IDO2: variants seen among roughly 807,000 people sequenced by gnomAD.
IDO2 encodes the protein indoleamine 2,3-dioxygenase 2, also known as indoleamine 2,3-dioxygenase-like 1 protein.
Under a neutral mutation model 45.1 loss-of-function variants are expected in IDO2, and 46 were observed. That is an observed-to-expected ratio of 1.02 (90% CI 0.80 to 1.30). IDO2 has a LOEUF of 1.30. Among genes scored for constraint, IDO2 ranks in the 50% most tolerant of loss-of-function variants. The pLI is 0.00. For missense variants in IDO2, 544 were observed against 491.8 expected, an observed-to-expected ratio of 1.11 and a Z score of -1.00; for synonymous variants, 218 against 184.9, an observed-to-expected ratio of 1.18 and a Z score of -1.45.
At chr8:39,940,223 G>A (rs949662611) in intron 1 of IDO2, among the ~76,000 whole-genome samples, 26 of 152,162 alleles carry the variant, frequency 1.7e-4, no homozygotes, top group Non-Finnish European at 3.7e-4. Context: ...CAGCGTGACC[G>A]AAAGCAGTAC....
At chr8:39,936,206 A>G (rs1248584159) in intron 1 of IDO2, among the ~76,000 whole-genome samples, 1 of 152,174 alleles carries the variant, frequency 6.6e-6, no homozygotes, top group Non-Finnish European at 1.5e-5. Context: ...AAGGTCATCT[A>G]TTTTACAAGG....
intron 4 of IDO2, among the ~76,000 whole-genome samples, chr8:39,981,307 G>T (rs1051796241): frequency 2.0e-5 from 3 of 151,876 alleles, no homozygotes; most frequent in Admixed American, 6.6e-5. Context: ...TGATCTGCCC[G>T]CCTTCGCCTC....
intron 2 of IDO2, among the ~76,000 whole-genome samples, chr8:39,950,422 T>C (rs183032180): frequency 4.2e-3 from 633 of 152,152 alleles, no homozygotes; most frequent in African/African-American, 6.1e-3. Flanking sequence ...GTTCCAGCTA[T>C]TGGGGAGGCT....
chr8:39,942,068 G>A (rs948281376), intron 1 of IDO2, among the ~76,000 whole-genome samples: 1 of 152,182 alleles, frequency 6.6e-6, no homozygotes, highest in African/African-American at 2.4e-5. Flanking sequence ...ACTCCAGCCT[G>A]GCTGAGAGAA....
chr8:39,988,874 GA>G lies in IDO2; in HGVS notation c.550-846del, dbSNP rs373152351. ...TGTGTTTAGTCCATTAGAAGATACA[GA>G]GTCAAATATCGGCCTTCCAAGTGTA... On this transcript the variant is annotated intron_variant, in intron 7 of 10. Coordinates refer to ENST00000502986, the Ensembl canonical transcript of IDO2. 6.1e-3 allele frequency among the ~76,000 whole-genome samples: 932 copies of G among 152,286 alleles called. 9 individuals are homozygous for G. The highest frequency in any genetic ancestry group is 0.02 in the African/African-American group (842 of 41,558).
intron 2 of IDO2, among the ~76,000 whole-genome samples, chr8:39,950,019 T>G (rs1807789772): frequency 1.3e-5 from 2 of 151,922 alleles, no homozygotes; most frequent in South Asian, 4.2e-4. Context: ...GTCCAAGGCC[T>G]AGAACATTAA....
intron 2 of IDO2, among the ~76,000 whole-genome samples, chr8:39,962,708 C>A (rs1646112122): frequency 6.6e-6 from 1 of 152,164 alleles, no homozygotes; most frequent in South Asian, 2.1e-4. Flanking sequence ...CTTTCACACA[C>A]AAACTGAAAA....
chr8:40,015,193 C>A, intron 10 of IDO2, 54 bp from the exon 11 acceptor site: 1 of 1,023,376 alleles, frequency 9.8e-7, no homozygotes, highest in Non-Finnish European at 1.5e-6. Flanking sequence ...AGCAGACGAG[C>A]TCTGCTATAT....
intron 3 of IDO2, among the ~76,000 whole-genome samples, chr8:39,970,907 C>T (rs1435074649): frequency 6.6e-6 from 1 of 151,722 alleles, no homozygotes; most frequent in Non-Finnish European, 1.5e-5. Flanking sequence ...GCTGGGACTA[C>T]AGGCACGTGC....
intron 8 of IDO2, among the ~76,000 whole-genome samples, chr8:39,998,689 G>A (rs977715982): frequency 9.2e-5 from 13 of 141,136 alleles, no homozygotes; most frequent in African/African-American, 3.4e-4. Context: ...CACCCAGGCT[G>A]GAGTGCAATG....
At chr8:39,973,255 G>A (rs1425398136) in intron 3 of IDO2, among the ~76,000 whole-genome samples, 1 of 152,052 alleles carries the variant, frequency 6.6e-6, no homozygotes, top group Non-Finnish European at 1.5e-5. Flanking sequence ...ATATAAGAAT[G>A]TATAATACTA....
At position 39,963,978 on chromosome 8, in the gene IDO2, T is replaced by C. The variant is rs188201255; in HGVS notation, c.195+275T>C. ...GTTTAAAGAAGAATCTGGGTGGGAA[T>C]GATAAACTAACTAATGGACAAGGTA... is the stretch of plus-strand genomic sequence containing the variant. On this transcript the variant is annotated intron_variant, in intron 3 of 10. Coordinates refer to ENST00000502986, the Ensembl canonical transcript of IDO2. Among the ~76,000 whole-genome samples, 6 of 152,332 alleles carry C rather than the reference T, an allele frequency of 3.9e-5. No homozygotes were observed. The East Asian group carries it at 1.2e-3, about 29-fold the overall frequency.
intron 1 of IDO2, among the ~76,000 whole-genome samples, chr8:39,946,909 C>A (rs1280715456): frequency 6.6e-6 from 1 of 151,890 alleles, no homozygotes; most frequent in Admixed American, 6.6e-5. Flanking sequence ...CCTGTAATCC[C>A]AGCACTTTGG....
intron 9 of IDO2, among the ~76,000 whole-genome samples, chr8:40,006,105 C>T (rs1308839784): frequency 2.0e-5 from 3 of 152,214 alleles, no homozygotes; most frequent in Non-Finnish European, 2.9e-5. Flanking sequence ...GACTTCCCAG[C>T]CTCCAGAACT....
At chr8:39,991,471 C>A (rs187845499) in intron 8 of IDO2, among the ~76,000 whole-genome samples, 359 of 152,104 alleles carry the variant, frequency 2.4e-3, no homozygotes, top group Non-Finnish European at 3.7e-3. Context: ...TTATGAGAAA[C>A]CTTCCAACAG....
chr8:39,974,392 C>G (rs1238870020), intron 3 of IDO2, among the ~76,000 whole-genome samples: 3 of 152,180 alleles, frequency 2.0e-5, no homozygotes, highest in Non-Finnish European at 2.9e-5. Flanking sequence ...AAAATAAATT[C>G]ATTCAAGATG....
intron 8 of IDO2, chr8:39,995,178 TC>T (rs1316869674): frequency 0.027 from 2,961 of 109,694 alleles, 326 homozygotes; most frequent in South Asian, 0.049. Flanking sequence ...CTCCTCTTCT[TC>T]CTTCTTCTTC....
At chr8:39,990,161 C>G (rs927647167) in intron 8 of IDO2, among the ~76,000 whole-genome samples, 2 of 152,090 alleles carry the variant, frequency 1.3e-5, no homozygotes, top group Non-Finnish European at 2.9e-5. Flanking sequence ...ATGTTGGTCG[C>G]GCGTGCCCCA....
intron 3 of IDO2, among the ~76,000 whole-genome samples, chr8:39,968,004 A>G (rs1010643271): frequency 5.3e-5 from 8 of 152,168 alleles, no homozygotes; most frequent in Admixed American, 3.9e-4. Context: ...CATTTATCCA[A>G]GTAAATGGAA....
Sources: gnomAD v4.1 joint callset for allele counts (sites outside exome capture counted in the v4.1 genomes callset) on GRCh38, gnomAD v4.1.1 for gene constraint, MANE v1.5 for transcripts, NCBI Gene and HGNC (gene_info 2026-07-23, HGNC 2026-07-21) for gene names.